Variants in SLC16A12 observed in about 807,000 individuals in gnomAD.
The protein encoded by SLC16A12 is solute carrier family 16 member 12.
SLC16A12 carries 17 observed loss-of-function variants against 42.4 expected under a neutral mutation model. That is an observed-to-expected ratio of 0.40 (90% CI 0.27 to 0.60). The LOEUF is 0.60. SLC16A12 is among the 20% of genes least tolerant of loss of function. SLC16A12 has a pLI of 0.42. For synonymous variants in SLC16A12, 224 were observed against 229.4 expected, an observed-to-expected ratio of 0.98 and a Z score of 0.21; for missense variants, 544 against 623.0, an observed-to-expected ratio of 0.87 and a Z score of 1.35.
chr10:89,485,657 T>C (rs1428596350), intron 2 of SLC16A12, among the ~76,000 whole-genome samples: 1 of 152,030 alleles, frequency 6.6e-6, no homozygotes, highest in Non-Finnish European at 1.5e-5. Context: ...ACACAGAGAC[T>C]GAGAGGGCAT....
intron 2 of SLC16A12, among the ~76,000 whole-genome samples, chr10:89,465,900 C>T (rs73371325): frequency 0.013 from 2,024 of 152,254 alleles, 49 homozygotes; most frequent in African/African-American, 0.045. Flanking sequence ...AAATGTTTCC[C>T]TGTTCTTAAG....
rs759761975 is a variant in SLC16A12, at chr10:89,436,035, T to C, written c.1288+25A>G. On this transcript the variant is annotated intron_variant, in intron 7 of 7. Coordinates refer to ENST00000371790, the MANE Select transcript of SLC16A12 (RefSeq NM_213606.4). ...TCAATATGCCAAAGAGAAAAGGTGG[T>C]TGGGGTTTCTCTCTGGAAACTTACC... is the stretch of plus-strand genomic sequence containing the variant. 8 of 1,613,270 alleles carry C rather than the reference T, an allele frequency of 5.0e-6. No individual in the cohort carries two copies. In the East Asian group the frequency reaches 1.1e-4, roughly 22 times the overall value.
intron 2 of SLC16A12, among the ~76,000 whole-genome samples, chr10:89,542,825 CTT>C (rs1475586982): frequency 1.3e-5 from 2 of 152,194 alleles, no homozygotes; most frequent in East Asian, 1.9e-4. Flanking sequence ...AAATGGGACT[CTT>C]TTGCCTGTTG....
At chr10:89,527,574 T>C (rs1843474869) in intron 2 of SLC16A12, among the ~76,000 whole-genome samples, 1 of 151,936 alleles carries the variant, frequency 6.6e-6, no homozygotes, top group Non-Finnish European at 1.5e-5. Flanking sequence ...GGAGAGAGGA[T>C]TGCTTGAGCT....
upstream of SLC16A12, among the ~76,000 whole-genome samples, chr10:89,536,110 G>A (rs1425719069): frequency 6.6e-6 from 1 of 152,198 alleles, no homozygotes; most frequent in African/African-American, 2.4e-5. Flanking sequence ...CTCTAGGACT[G>A]CCGGACCCTC....
At chr10:89,526,877 G>T (rs1327699626) in intron 2 of SLC16A12, among the ~76,000 whole-genome samples, 1 of 150,082 alleles carries the variant, frequency 6.7e-6, no homozygotes, top group Non-Finnish European at 1.5e-5. Context: ...ATCAAGAACA[G>T]AACACCTACT....
intron 2 of SLC16A12, among the ~76,000 whole-genome samples, chr10:89,503,128 G>A (rs1341078581): frequency 6.6e-6 from 1 of 152,132 alleles, no homozygotes; most frequent in Non-Finnish European, 1.5e-5. Flanking sequence ...TATTCTCTTT[G>A]CATAACAAAT....
chr10:89,447,618 G>A lies in SLC16A12; in HGVS notation c.201-3759C>T, dbSNP rs11203128. 3.9e-5 allele frequency among the ~76,000 whole-genome samples: 6 copies of A among 152,010 alleles called. No individual in the cohort carries two copies. In the South Asian group the frequency reaches 1.2e-3, roughly 32 times the overall value. Reference sequence around the variant, plus strand: ...GACACATTTAAAGAAGTGTGTAGAGGGAAATTTATACCACTAAATGCCCAC... The same window carrying A: ...GACACATTTAAAGAAGTGTGTAGAGAGAAATTTATACCACTAAATGCCCAC... On this transcript the variant is annotated intron_variant, in intron 3 of 7. Transcript: ENST00000371790.
At chr10:89,470,083 T>C (rs1842469403) in intron 2 of SLC16A12, among the ~76,000 whole-genome samples, 2 of 152,208 alleles carry the variant, frequency 1.3e-5, no homozygotes, top group African/African-American at 2.4e-5. Context: ...TATTCCCTTA[T>C]GTCATTAAGA....
At chr10:89,440,481 T>A (rs558435430) in intron 5 of SLC16A12, among the ~76,000 whole-genome samples, 1 of 152,192 alleles carries the variant, frequency 6.6e-6, no homozygotes, top group Admixed American at 6.5e-5. Flanking sequence ...CAGACAGGAG[T>A]TGGCGCTACT....
chr10:89,433,930 G>A (rs1026515048), intron 7 of SLC16A12, among the ~76,000 whole-genome samples: 3 of 151,892 alleles, frequency 2.0e-5, no homozygotes, highest in South Asian at 4.2e-4. Flanking sequence ...GAGGAAAACC[G>A]GGCATATGAT....
intron 7 of SLC16A12, among the ~76,000 whole-genome samples, chr10:89,434,792 C>T (rs1213320532): frequency 1.3e-5 from 2 of 152,192 alleles, no homozygotes; most frequent in Admixed American, 6.5e-5. Flanking sequence ...CAGTCATTCT[C>T]AATATTTACC....
At chr10:89,553,888 T>G (rs185789212) in intron 2 of SLC16A12, among the ~76,000 whole-genome samples, 1 of 151,344 alleles carries the variant, frequency 6.6e-6, no homozygotes, top group African/African-American at 2.4e-5. Context: ...CGCAGCTACT[T>G]GGGAGGCTGA....
At position 89,474,627 on chromosome 10, in the gene SLC16A12, A is replaced by ATTCATGT. The variant is rs760571030; in HGVS notation, c.-46-12004_-46-12003insACATGAA. The stretch of plus-strand genomic sequence containing the variant: ...CAACCAGCTTCTCTCTAAACAGCGC[A>ATTCATGT]CACCAGAGTGTGGCATTCATGTCAC... On this transcript the variant is annotated intron_variant, in intron 2 of 7. Coordinates refer to ENST00000371790, the MANE Select transcript of SLC16A12 (RefSeq NM_213606.4). Among the ~76,000 whole-genome samples, 583 of 152,308 alleles carry ATTCATGT rather than the reference A, an allele frequency of 3.8e-3. 10 individuals are homozygous for ATTCATGT. Among genetic ancestry groups the ATTCATGT allele is most frequent in the South Asian group, 0.037 (177 of 4,822 alleles).
chr10:89,458,887 T>C (rs1842243990), intron 3 of SLC16A12, among the ~76,000 whole-genome samples: 1 of 152,240 alleles, frequency 6.6e-6, no homozygotes, highest in Non-Finnish European at 1.5e-5. Flanking sequence ...CAAACCACTT[T>C]AGGCTCCTGA....
intron 2 of SLC16A12, among the ~76,000 whole-genome samples, chr10:89,471,114 AACTT>A (rs1156742428): frequency 6.6e-6 from 1 of 152,212 alleles, no homozygotes; most frequent in Non-Finnish European, 1.5e-5. Flanking sequence ...ATTGAGGTAT[AACTT>A]ACATACAATA....
chr10:89,555,251 T>C (rs1469832045), intron 2 of SLC16A12, among the ~76,000 whole-genome samples: 1 of 151,860 alleles, frequency 6.6e-6, no homozygotes, highest in East Asian at 1.9e-4. Context: ...CAAGCAATCC[T>C]CCTGCTACTC....
chr10:89,463,974 A>G (rs1842349005), intron 2 of SLC16A12, among the ~76,000 whole-genome samples: 1 of 152,150 alleles, frequency 6.6e-6, no homozygotes, highest in Non-Finnish European at 1.5e-5. Flanking sequence ...CCAACAGAAT[A>G]TGGCACCTGT....
chr10:89,530,880 T>C (rs1843539836), intron 2 of SLC16A12, among the ~76,000 whole-genome samples: 1 of 152,230 alleles, frequency 6.6e-6, no homozygotes, highest in Admixed American at 6.5e-5. Context: ...TTTGTTCATA[T>C]GCATTTGCTT....
Sources: gnomAD v4.1 joint callset for allele counts (sites outside exome capture counted in the v4.1 genomes callset) on GRCh38, gnomAD v4.1.1 for gene constraint, MANE v1.5 for transcripts, NCBI Gene and HGNC (gene_info 2026-07-23, HGNC 2026-07-21) for gene names.